The following RBFOX1 variants were observed in gnomAD, a reference collection of about 807,000 sequenced individuals.
The protein encoded by RBFOX1 is RNA binding fox-1 homolog 1, also known as RNA binding protein fox-1 homolog 1.
A neutral mutation model predicts 57.7 loss-of-function variants in RBFOX1; 8 were observed. That is an observed-to-expected ratio of 0.14 (90% CI 0.08 to 0.25). The LOEUF (loss-of-function observed/expected upper bound fraction) is 0.25. Ranked by LOEUF, RBFOX1 falls within the 10% of genes least tolerant of loss-of-function variation. The pLI, the probability that RBFOX1 is intolerant of heterozygous loss-of-function variation, is 1.00. For missense variants in RBFOX1, 611 were observed against 548.5 expected, an observed-to-expected ratio of 1.11 and a Z score of -1.14; for synonymous variants, 326 against 222.4, an observed-to-expected ratio of 1.47 and a Z score of -4.15.
At chr16:5,937,245 T>C (rs1193899531) in intron 4 of RBFOX1, among the ~76,000 whole-genome samples, 1 of 152,202 alleles carries the variant, frequency 6.6e-6, no homozygotes, top group African/African-American at 2.4e-5. Flanking sequence ...TTTCCTATAG[T>C]GTGTGGATTT....
intron 2 of RBFOX1, among the ~76,000 whole-genome samples, chr16:6,650,196 C>T (rs1232355524): frequency 1.3e-5 from 2 of 152,184 alleles, no homozygotes; most frequent in Non-Finnish European, 2.9e-5. Context: ...GCAGCTGATG[C>T]TGCTGGTTGG....
chr16:5,378,804 A>G (rs945317109), intron 1 of RBFOX1, among the ~76,000 whole-genome samples: 7 of 151,638 alleles, frequency 4.6e-5, no homozygotes, highest in African/African-American at 1.5e-4. Flanking sequence ...AGTGATTAGC[A>G]TAGTGCTGGG....
chr16:7,693,311 C>A, intron 14 of RBFOX1: 1 of 1,613,218 alleles, frequency 6.2e-7, no homozygotes, highest in Non-Finnish European at 8.5e-7. Context: ...ATCTTCTCTT[C>A]CAGAAATCAG....
intron 3 of RBFOX1, among the ~76,000 whole-genome samples, chr16:6,991,161 A>AAAAAAAAAAAAAAAAAAC (rs1271872183): frequency 7.1e-6 from 1 of 139,930 alleles, no homozygotes; most frequent in Non-Finnish European, 1.6e-5. Flanking sequence ...AAAAAAAAAA[A>AAAAAAAAAAAAAAAAAAC]AGACACGGTG....
In RBFOX1 at chr16:7,146,144, GCA is replaced by G. The variant is rs1430029358; in HGVS notation, c.27+94049_27+94050del. 2.0e-5 allele frequency among the ~76,000 whole-genome samples: 3 copies of G among 152,276 alleles called. No individual in the cohort carries two copies. In the East Asian group the frequency reaches 5.8e-4, roughly 29 times the overall value. On this transcript the variant is annotated intron_variant, in intron 4 of 15. Coordinates refer to ENST00000550418, the MANE Select transcript of RBFOX1 (RefSeq NM_018723.4). ...TGTCTAGGTTAAGGGATGAGCAATG[GCA>G]CAGTGTCGTTTACCCCAGAGCATGA...
At position 6,176,313 on chromosome 16, in the gene RBFOX1, A is replaced by ATTTTTTTT. The variant is rs34667158; in HGVS notation, c.-126-140664_-126-140657dup. On this transcript the variant is annotated intron_variant, in intron 1 of 15. Coordinates refer to ENST00000550418, the MANE Select transcript of RBFOX1 (RefSeq NM_018723.4). ...GGTGCCCACCGCCATGCCTGACCAA[A>ATTTTTTTT]TTTTTTTTTTTTTTTTTTTTTTTTT... Among the ~76,000 whole-genome samples, 106 of 95,236 alleles carry ATTTTTTTT rather than the reference A, an allele frequency of 1.1e-3. 3 individuals carry two copies. The highest frequency in any genetic ancestry group is 4.3e-3 in the African/African-American group (94 of 21,640). 62.5% of individuals were successfully genotyped at this position (95,236 alleles called of 152,430 possible). A position where few individuals can be genotyped will look rare whatever the true frequency, so the allele number is the denominator to read the frequency against.
At chr16:5,620,328 G>T (rs1349079234) in intron 3 of RBFOX1, among the ~76,000 whole-genome samples, 1 of 152,152 alleles carries the variant, frequency 6.6e-6, no homozygotes, top group Non-Finnish European at 1.5e-5. Context: ...TCTACACATG[G>T]TGTGGAGAGA....
intron 3 of RBFOX1, among the ~76,000 whole-genome samples, chr16:7,026,705 G>A (rs1161814333): frequency 6.6e-6 from 1 of 152,172 alleles, no homozygotes; most frequent in African/African-American, 2.4e-5. Flanking sequence ...GACTTACTGT[G>A]CCTCTGAACC....
intron 3 of RBFOX1, among the ~76,000 whole-genome samples, chr16:6,880,632 A>G (rs952804827): frequency 1.3e-5 from 2 of 152,200 alleles, no homozygotes; most frequent in Admixed American, 6.5e-5. Context: ...GGGTGGGGAA[A>G]AAATCAACCC....
chr16:6,837,609 T>C (rs998679573), intron 3 of RBFOX1, among the ~76,000 whole-genome samples: 4 of 152,208 alleles, frequency 2.6e-5, no homozygotes, highest in Admixed American at 6.5e-5. Context: ...ATTTGTGCAA[T>C]CTTGGGCAAG....
chr16:5,856,755 T>C (rs191020908), intron 3 of RBFOX1, among the ~76,000 whole-genome samples: 2 of 151,440 alleles, frequency 1.3e-5, no homozygotes, highest in Non-Finnish European at 2.9e-5. Flanking sequence ...CTTCCTACCA[T>C]TCTCAGCCTT....
intron 4 of RBFOX1, among the ~76,000 whole-genome samples, chr16:7,157,315 A>C (rs560436536): frequency 6.6e-6 from 1 of 152,194 alleles, no homozygotes; most frequent in Non-Finnish European, 1.5e-5. Context: ...TCACAGGACA[A>C]ACTATCACAG....
In RBFOX1 at chr16:5,856,575, G is replaced by GTGTATATATATATATA. The variant is rs1192496608; in HGVS notation, c.319-10727_319-10726insGTATATATATATATAT. Among the ~76,000 whole-genome samples, 47 of 32,918 alleles carry GTGTATATATATATATA rather than the reference G, an allele frequency of 1.4e-3. 1 individual carries two copies. Among genetic ancestry groups the GTGTATATATATATATA allele is most frequent in the South Asian group, 4.4e-3 (3 of 682 alleles). The allele number at this position is 32,918 out of a possible 152,430, so 21.6% of individuals were successfully genotyped here. ...TGTGTGTGTGTGTATGTGTGTGTGT[G>GTGTATATATATATATA]TATATATATATATATATATATATAT... On this transcript the variant is annotated intron_variant, in intron 3 of 19. Transcript: ENST00000641259.
At chr16:7,610,872 A>G (rs953140480) in intron 10 of RBFOX1, among the ~76,000 whole-genome samples, 3 of 152,226 alleles carry the variant, frequency 2.0e-5, no homozygotes, top group Admixed American at 2.0e-4. Flanking sequence ...CTACAGATCC[A>G]TGACTAAGAA....
chr16:6,954,901 A>G (rs1233932102), intron 3 of RBFOX1, among the ~76,000 whole-genome samples: 1 of 152,106 alleles, frequency 6.6e-6, no homozygotes, highest in Non-Finnish European at 1.5e-5. Flanking sequence ...AAGAAAGGTA[A>G]TTATCCTAAA....
chr16:6,639,392 TC>T (rs1224806030), intron 2 of RBFOX1, among the ~76,000 whole-genome samples: 1 of 152,150 alleles, frequency 6.6e-6, no homozygotes, highest in African/African-American at 2.4e-5. Context: ...CAGCTTCCCT[TC>T]CCAGGAGAAC....
chr16:6,447,083 C>T (rs965406430), intron 2 of RBFOX1, among the ~76,000 whole-genome samples: 6 of 152,134 alleles, frequency 3.9e-5, no homozygotes, highest in South Asian at 2.1e-4. Flanking sequence ...GGGAAAACTT[C>T]GAAAACCGCA....
intron 2 of RBFOX1, among the ~76,000 whole-genome samples, chr16:5,593,141 C>G (rs2047065146): frequency 6.6e-6 from 1 of 152,110 alleles, no homozygotes; most frequent in South Asian, 2.1e-4. Flanking sequence ...CACATATACA[C>G]CATGGGATAC....
At chr16:5,855,209 CAGA>C (rs1182837333) in intron 3 of RBFOX1, among the ~76,000 whole-genome samples, 3 of 152,128 alleles carry the variant, frequency 2.0e-5, no homozygotes, top group Non-Finnish European at 4.4e-5. Context: ...CTTTGCTGTG[CAGA>C]AGATTTTTAG....
Sources: allele counts gnomAD v4.1 joint callset (sites outside exome capture counted in the v4.1 genomes callset), GRCh38; gene constraint gnomAD v4.1.1; transcripts MANE v1.5; gene names NCBI Gene and HGNC (gene_info 2026-07-23, HGNC 2026-07-21).